Variants in TRPC3 observed in about 807,000 individuals in gnomAD.
TRPC3 encodes the protein transient receptor potential cation channel subfamily C member 3.
In TRPC3, 54 loss-of-function variants were observed where a neutral mutation model predicts 90.9. The observed-to-expected ratio is 0.59, with a 90% CI of 0.48 to 0.75. The LOEUF is 0.75. TRPC3 is among the 30% of genes least tolerant of loss of function. The pLI is 0.00. For missense variants in TRPC3, 918 were observed against 1,194.5 expected (o/e 0.77, Z 3.41); for synonymous variants, 424 against 450.9 (o/e 0.94, Z 0.75).
intron 3 of TRPC3, among the ~76,000 whole-genome samples, chr4:121,923,651 C>T (rs1195060593): frequency 6.6e-6 from 1 of 152,180 alleles, no homozygotes; most frequent in Non-Finnish European, 1.5e-5. Context: ...TAAGTAGGTA[C>T]AACTATTGTC....
intron 1 of TRPC3, among the ~76,000 whole-genome samples, chr4:121,946,658 AAGAT>A (rs918348195): frequency 1.3e-5 from 2 of 152,226 alleles, no homozygotes; most frequent in Admixed American, 1.3e-4. Context: ...TATGAATAAA[AAGAT>A]AGCAGTATAT....
At chr4:121,925,924 T>C (rs1414670162) in intron 2 of TRPC3, among the ~76,000 whole-genome samples, 2 of 152,222 alleles carry the variant, frequency 1.3e-5, no homozygotes, top group Non-Finnish European at 2.9e-5. Context: ...CAATAGTTCT[T>C]GTAAAGCCAA....
chr4:121,949,151 T>C (rs1157748648), intron 1 of TRPC3, among the ~76,000 whole-genome samples: 1 of 152,190 alleles, frequency 6.6e-6, no homozygotes, highest in Non-Finnish European at 1.5e-5. Flanking sequence ...AATGAGGCCG[T>C]CACTACAATG....
At chr4:121,881,356 T>A (rs527472848) in intron 11 of TRPC3, among the ~76,000 whole-genome samples, 89 of 152,196 alleles carry the variant, frequency 5.8e-4, no homozygotes, top group African/African-American at 2.1e-3. Context: ...TTTTATGCCG[T>A]TTTAGCCATA....
intron 1 of TRPC3, among the ~76,000 whole-genome samples, chr4:121,942,726 T>A (rs1447255173): frequency 6.6e-6 from 1 of 152,204 alleles, no homozygotes; most frequent in East Asian, 1.9e-4. Context: ...ATTCTTTTCA[T>A]AAAAGCATGA....
rs374034360 is a variant in TRPC3, at chr4:121,894,555, G to GTTTTTT, written c.2547+5051_2547+5056dup. Reference sequence around the variant, plus strand: ...CCAACAGCTGGAAAGTACACATTCTGTTTTTTTTTTTTTTTTTTTTTTTTT... The same window carrying GTTTTTT: ...CCAACAGCTGGAAAGTACACATTCTGTTTTTTTTTTTTTTTTTTTTTTTTTTTTTTT... On this transcript the variant is annotated intron_variant, in intron 10 of 11. Coordinates refer to ENST00000379645, the MANE Select transcript of TRPC3 (RefSeq NM_001130698.2). Among the ~76,000 whole-genome samples the GTTTTTT allele has an allele frequency of 9.8e-4, 62 of 63,374 alleles. 8 individuals are homozygous for GTTTTTT. The highest frequency in any genetic ancestry group is 1.3e-3 in the Admixed American group (5 of 3,858). The allele number at this position is 63,374 out of a possible 152,430, so 41.6% of individuals were successfully genotyped here. A position where few individuals can be genotyped will look rare whatever the true frequency, so the allele number is the denominator to read the frequency against.
chr4:121,901,005 C>T (rs1022397325), intron 9 of TRPC3, among the ~76,000 whole-genome samples: 1 of 152,110 alleles, frequency 6.6e-6, no homozygotes, highest in African/African-American at 2.4e-5. Flanking sequence ...ATTTTCTTTA[C>T]AGTGGTCTAG....
chr4:121,931,300 G>T (rs546826607), intron 2 of TRPC3, among the ~76,000 whole-genome samples: 1 of 152,238 alleles, frequency 6.6e-6, no homozygotes, highest in East Asian at 1.9e-4. Flanking sequence ...TTAGCATCTA[G>T]AAAATAATTC....
intron 6 of TRPC3, 22 bp from the exon 7 acceptor site, chr4:121,907,589 ATTAAAAATG>A: frequency 6.3e-7 from 1 of 1,583,036 alleles, no homozygotes; most frequent in Non-Finnish European, 8.6e-7. Context: ...AGAGAAAGAG[ATTAAAAATG>A]GAGCTTTCTA....
Position 121,910,256 on chromosome 4 carries a change from A to C in TRPC3, c.1690T>G (p.Phe564Val). 6.2e-7 allele frequency: 1 copy of C among 1,613,804 alleles called. No homozygotes were observed. Among genetic ancestry groups the C allele is most frequent in the Non-Finnish European group, 8.5e-7 (1 of 1,179,798 alleles). The change falls in exon 6 of 12, where the codon TTC (phenylalanine) becomes GTC (valine). Residue 564 changes from phenylalanine to valine, a missense_variant. By Grantham distance (50) the Phe-to-Val change is conservative. This residue lies in a region of TRPC3 where 147 missense variants were observed against 263.5 expected (regional missense o/e 0.56). Transcript: ENST00000379645. ...IAAFTARFLAFLQATKAQQYV... is the reference protein window; with the variant it reads ...IAAFTARFLAVLQATKAQQYV... Reference sequence around the variant, plus strand: ...TGTTGTGCCTTCGTTGCCTGAAGGAAAGCTAGGAATCTGGCTGTGAAAGCA... The same window carrying C: ...TGTTGTGCCTTCGTTGCCTGAAGGACAGCTAGGAATCTGGCTGTGAAAGCA...
rs983794514 is a variant in TRPC3, at chr4:121,882,532, G to A, written c.2548-103C>T. 6.0e-6 allele frequency: 6 copies of A among 998,558 alleles called. No individual in the cohort carries two copies. In the East Asian group the frequency reaches 1.2e-4, roughly 19 times the overall value. 61.9% of individuals were successfully genotyped at this position (998,558 alleles called of 1,614,324 possible). A position where few individuals can be genotyped will look rare whatever the true frequency, so the allele number is the denominator to read the frequency against. ...ATACCTGTAAAGCAAACAACTCAGG[G>A]GAGAAAAAAATTTTATAACTATGTA... On this transcript the variant is annotated intron_variant, in intron 10 of 11. Transcript: ENST00000379645.
chr4:121,922,621 G>C (rs1248377747), intron 3 of TRPC3, among the ~76,000 whole-genome samples: 1 of 152,192 alleles, frequency 6.6e-6, no homozygotes, highest in Non-Finnish European at 1.5e-5. Context: ...TGAAGCACAA[G>C]TGTAGATGAG....
At chr4:121,888,780 T>A (rs1728222884) in intron 10 of TRPC3, among the ~76,000 whole-genome samples, 1 of 152,202 alleles carries the variant, frequency 6.6e-6, no homozygotes. Context: ...ACTAAACAAT[T>A]GTTATTATTA....
chr4:121,917,377 C>A (rs895068220), intron 3 of TRPC3, among the ~76,000 whole-genome samples: 2 of 152,200 alleles, frequency 1.3e-5, no homozygotes, highest in Admixed American at 1.3e-4. Context: ...ATATTTAGAT[C>A]ATTTCCTTCC....
chr4:121,888,685 C>T (rs1195033981), intron 10 of TRPC3, among the ~76,000 whole-genome samples: 2 of 151,928 alleles, frequency 1.3e-5, no homozygotes, highest in African/African-American at 4.8e-5. Context: ...GCGTGAGCCA[C>T]CACGCCCACC....
rs1003337858 is a variant in TRPC3 at position 121,878,431 on chromosome 4, C to T, written c.*1305G>A. Among the ~76,000 whole-genome samples the T allele has an allele frequency of 4.4e-5, 6 of 135,554 alleles. No individual in the cohort carries two copies. Among genetic ancestry groups the T allele is most frequent in the South Asian group, 2.5e-4 (1 of 4,036 alleles). 88.9% of individuals were successfully genotyped at this position (135,554 alleles called of 152,430 possible). On this transcript the variant is annotated 3_prime_UTR_variant, in exon 12 of 12. Transcript: ENST00000379645. ...TATGATCACAATTCGTATTCCTATA[C>T]GACTTGACAGCAACTGACTGCAGAC...
intron 2 of TRPC3, among the ~76,000 whole-genome samples, chr4:121,927,884 C>T (rs1664460742): frequency 1.3e-5 from 2 of 152,076 alleles, no homozygotes; most frequent in African/African-American, 2.4e-5. Context: ...GTTAAATATC[C>T]ATCTGCTTTC....
Position 121,900,664 on chromosome 4 carries a change from AGAAATAGAAAAGT to A in TRPC3, c.2464-982_2464-970del, listed in dbSNP as rs532367257. 1.4e-3 allele frequency among the ~76,000 whole-genome samples: 220 copies of A among 152,376 alleles called. 1 individual carries two copies. Among genetic ancestry groups the A allele is most frequent in the African/African-American group, 4.3e-3 (179 of 41,592 alleles). On this transcript the variant is annotated intron_variant, in intron 9 of 11. Coordinates refer to ENST00000379645, the MANE Select transcript of TRPC3 (RefSeq NM_001130698.2). ...GGTTCCTTCCTCTCTTCTAAAAAAG[AGAAATAGAAAAGT>A]ATAATTTCTCCAAATTTCTGCTGCA...
chr4:121,949,420 A>G (rs1342261088), intron 1 of TRPC3, among the ~76,000 whole-genome samples: 1 of 152,138 alleles, frequency 6.6e-6, no homozygotes, highest in Non-Finnish European at 1.5e-5. Flanking sequence ...ATCCTGCTCA[A>G]TTTTAAATTC....
Sources: allele counts gnomAD v4.1 joint callset (sites outside exome capture counted in the v4.1 genomes callset), GRCh38; gene constraint gnomAD v4.1.1; regional missense constraint gnomAD v4.1.1; transcripts MANE v1.5; gene names NCBI Gene and HGNC (gene_info 2026-07-23, HGNC 2026-07-21).